Variants in ITGA1 observed in about 807,000 individuals in gnomAD.
ITGA1 encodes the protein integrin alpha-1.
ITGA1 carries 85 observed loss-of-function variants against 145.9 expected under a neutral mutation model. That is an observed-to-expected ratio of 0.58 (90% confidence interval 0.49 to 0.70). The LOEUF (loss-of-function observed/expected upper bound fraction) is 0.70. Among genes scored for constraint, ITGA1 ranks in the 30% least tolerant of loss-of-function variants. The pLI is 0.00. For synonymous variants in ITGA1, 520 were observed against 495.3 expected, an observed-to-expected ratio of 1.05 and a Z score of -0.66; for missense variants, 1,351 against 1,418.7, an observed-to-expected ratio of 0.95 and a Z score of 0.77.
chr5:52,934,867 T>C (rs1001560910), intron 23 of ITGA1, among the ~76,000 whole-genome samples: 1 of 151,884 alleles, frequency 6.6e-6, no homozygotes, highest in African/African-American at 2.4e-5. Flanking sequence ...TTTTTTAAAA[T>C]TTGTACTCTT....
intron 8 of ITGA1, among the ~76,000 whole-genome samples, chr5:52,890,300 TAA>T (rs1355325621): frequency 6.6e-6 from 1 of 152,236 alleles, no homozygotes; most frequent in Non-Finnish European, 1.5e-5. Flanking sequence ...TTTAACATTT[TAA>T]AAAGAGTGTA....
At chr5:52,865,872 T>G (rs1749679427) in intron 6 of ITGA1, 55 bp downstream of exon 6, 2 of 1,426,798 alleles carry the variant, frequency 1.4e-6, no homozygotes, top group Non-Finnish European at 1.9e-6. Flanking sequence ...ATGCACAAAT[T>G]TTTAATAAAA....
intron 2 of ITGA1, among the ~76,000 whole-genome samples, chr5:52,860,874 C>T (rs1263454571): frequency 2.0e-5 from 3 of 152,334 alleles, no homozygotes; most frequent in South Asian, 2.1e-4. Flanking sequence ...TGATTTTAAC[C>T]TGGATCTCAT....
chr5:52,881,303 A>G (rs1321422573), intron 6 of ITGA1, among the ~76,000 whole-genome samples: 2 of 151,966 alleles, frequency 1.3e-5, no homozygotes, highest in East Asian at 1.9e-4. Flanking sequence ...CTTAGGGTAG[A>G]TCTATCTCTT....
intron 11 of ITGA1, among the ~76,000 whole-genome samples, chr5:52,900,993 T>C (rs1041158132): frequency 2.9e-4 from 44 of 152,332 alleles, no homozygotes; most frequent in African/African-American, 9.4e-4. Context: ...AAGATGTCCA[T>C]GTCCTAATCC....
intron 2 of ITGA1, among the ~76,000 whole-genome samples, chr5:52,858,437 A>G (rs6885175): frequency 6.6e-6 from 1 of 152,224 alleles, no homozygotes; most frequent in Admixed American, 6.5e-5. Flanking sequence ...TAGTACATGT[A>G]TAGTTGTGCT....
At chr5:52,843,084 A>G (rs1039211119) in intron 1 of ITGA1, among the ~76,000 whole-genome samples, 3 of 152,164 alleles carry the variant, frequency 2.0e-5, no homozygotes, top group African/African-American at 7.2e-5. Context: ...AGTGGAATAT[A>G]TGAATGATTG....
chr5:52,861,683 C>A, intron 3 of ITGA1, 124 bp downstream of exon 3: 2 of 640,092 alleles, frequency 3.1e-6, no homozygotes. Flanking sequence ...CCAGCCTGGG[C>A]AACCTGACGA....
At chr5:52,824,099 A>G (rs1413230533) in intron 1 of ITGA1, among the ~76,000 whole-genome samples, 3 of 151,978 alleles carry the variant, frequency 2.0e-5, no homozygotes, top group Non-Finnish European at 4.4e-5. Context: ...GCTTTGTTTC[A>G]TGACCTTTAA....
At position 52,886,667 on chromosome 5, in the gene ITGA1, G is replaced by A. The variant is rs1346773039; in HGVS notation, c.774-1148G>A. Among the ~76,000 whole-genome samples the A allele has an allele frequency of 2.6e-5, 4 of 152,218 alleles. No individual in the cohort carries two copies. The South Asian group carries it at 6.2e-4, about 24-fold the overall frequency. On this transcript the variant is annotated intron_variant, in intron 7 of 28. Coordinates refer to ENST00000282588, the MANE Select transcript of ITGA1 (RefSeq NM_181501.2). ...AAGGAAATAAAGGGGGAGGGGAGAA[G>A]TGTGTGTATATATTTATATAGAATA...
chr5:52,867,514 C>G (rs1749706591), intron 6 of ITGA1, among the ~76,000 whole-genome samples: 1 of 152,092 alleles, frequency 6.6e-6, no homozygotes, highest in African/African-American at 2.4e-5. Flanking sequence ...CGTCTTGCTA[C>G]AGGGTACAGG....
At chr5:52,814,936 A>G (rs1470276344) in intron 1 of ITGA1, among the ~76,000 whole-genome samples, 1 of 152,134 alleles carries the variant, frequency 6.6e-6, no homozygotes, top group African/African-American at 2.4e-5. Flanking sequence ...CAGGCCACTT[A>G]TATCTCTTAT....
chr5:52,866,938 A>G (rs530883016), intron 6 of ITGA1: 1 of 151,886 alleles, frequency 6.6e-6, no homozygotes, highest in South Asian at 2.1e-4. Context: ...AGCCTAAAAG[A>G]TTGTTGTGTG....
intron 16 of ITGA1, 152 bp from the exon 17 acceptor site, chr5:52,920,180 A>C (rs1280299853): frequency 9.0e-6 from 5 of 554,662 alleles, no homozygotes; most frequent in Non-Finnish European, 1.5e-5. Flanking sequence ...TGCTAATATC[A>C]TTGTTATAAC....
At chr5:52,930,238 A>G (rs1265645637) in intron 21 of ITGA1, among the ~76,000 whole-genome samples, 2 of 152,166 alleles carry the variant, frequency 1.3e-5, no homozygotes, top group Non-Finnish European at 2.9e-5. Flanking sequence ...ACCTGTCTGC[A>G]GTGAGATGGT....
At chr5:52,793,254 TA>T (rs1468498565) in intron 1 of ITGA1, among the ~76,000 whole-genome samples, 10 of 152,072 alleles carry the variant, frequency 6.6e-5, no homozygotes, top group Non-Finnish European at 1.0e-4. Context: ...CTAGAAATAA[TA>T]GGCACTTTTT....
chr5:52,911,777 A>G (rs1196225627), intron 14 of ITGA1, among the ~76,000 whole-genome samples: 1 of 101,600 alleles, frequency 9.8e-6, no homozygotes, highest in South Asian at 3.6e-4. Flanking sequence ...TATATATACT[A>G]TATATATAGT....
chr5:52,800,126 G>A, intron 1 of ITGA1: 2 of 429,974 alleles, frequency 4.7e-6, no homozygotes, highest in South Asian at 5.7e-5. Context: ...CGTGCTGCCA[G>A]CGGGAACTGT....
In ITGA1 at chr5:52,883,477, G is replaced by A. The variant is rs371864711; in HGVS notation, c.773+1456G>A. On this transcript the variant is annotated intron_variant, in intron 7 of 28. Coordinates refer to ENST00000282588, the MANE Select transcript of ITGA1 (RefSeq NM_181501.2). ...TATACATTAAAATTCTGTAGTGATAGTACCAAGTATTTTTCTCCTACATTA... is the reference window on the plus strand; with the variant it reads ...TATACATTAAAATTCTGTAGTGATAATACCAAGTATTTTTCTCCTACATTA... Among the ~76,000 whole-genome samples the A allele has an allele frequency of 1.2e-4, 19 of 152,290 alleles. No individual in the cohort carries two copies. In the South Asian group the frequency reaches 3.7e-3, roughly 30 times the overall value.
Sources: gnomAD v4.1 joint callset for allele counts (sites outside exome capture counted in the v4.1 genomes callset) on GRCh38, gnomAD v4.1.1 for gene constraint, MANE v1.5 for transcripts, NCBI Gene and HGNC (gene_info 2026-07-23, HGNC 2026-07-21) for gene names.